Variants in CSGALNACT1 observed in about 807,000 individuals in gnomAD.
The protein encoded by CSGALNACT1 is chondroitin sulfate N-acetylgalactosaminyltransferase 1, also known as beta4GalNAcT-1.
Under a neutral mutation model 51.0 loss-of-function variants are expected in CSGALNACT1, and 52 were observed. The observed-to-expected ratio is 1.02, with a 90% CI of 0.82 to 1.29. The LOEUF is 1.29. Ranked by LOEUF, CSGALNACT1 falls within the 50% of genes most tolerant of loss-of-function variation. The pLI is 0.00. For missense variants in CSGALNACT1, 935 were observed against 679.2 expected (o/e 1.38, Z -4.19); for synonymous variants, 341 against 254.4 (o/e 1.34, Z -3.24).
intron 3 of CSGALNACT1, among the ~76,000 whole-genome samples, chr8:19,559,593 G>T (rs2040242183): frequency 6.6e-6 from 1 of 152,144 alleles, no homozygotes; most frequent in Non-Finnish European, 1.5e-5. Flanking sequence ...TGTTAGAATA[G>T]TAGAGTTCAG....
chr8:19,693,218 C>T (rs1173915856), intron 1 of CSGALNACT1, among the ~76,000 whole-genome samples: 1 of 152,070 alleles, frequency 6.6e-6, no homozygotes, highest in Non-Finnish European at 1.5e-5. Context: ...TCCTCCCCTG[C>T]CTTTCTCTGC....
intron 5 of CSGALNACT1, among the ~76,000 whole-genome samples, chr8:19,441,607 ATAAAAACCC>A (rs1657378950): frequency 6.6e-6 from 1 of 152,270 alleles, no homozygotes; most frequent in South Asian, 2.1e-4. Context: ...ACCTAAAACC[ATAAAAACCC>A]TAGAAGAAAA....
intron 4 of CSGALNACT1, among the ~76,000 whole-genome samples, chr8:19,490,871 A>G (rs554865130): frequency 6.6e-6 from 1 of 152,330 alleles, no homozygotes; most frequent in East Asian, 1.9e-4. Context: ...ATTCCCAGGC[A>G]GCAGGAAGGA....
chr8:19,461,754 A>G (rs1386774212), intron 4 of CSGALNACT1, among the ~76,000 whole-genome samples: 1 of 150,314 alleles, frequency 6.7e-6, no homozygotes, highest in Non-Finnish European at 1.5e-5. Context: ...GGCCACATTC[A>G]CCATGGAGGG....
At chr8:19,536,205 C>A (rs534608889) in intron 3 of CSGALNACT1, among the ~76,000 whole-genome samples, 1 of 152,200 alleles carries the variant, frequency 6.6e-6, no homozygotes, top group African/African-American at 2.4e-5. Flanking sequence ...AATGTAGATT[C>A]ATCAATTTAA....
intron 1 of CSGALNACT1, among the ~76,000 whole-genome samples, chr8:19,658,697 G>C (rs2058505665): frequency 6.6e-6 from 1 of 152,070 alleles, no homozygotes; most frequent in Non-Finnish European, 1.5e-5. Flanking sequence ...TCGCGACACT[G>C]CACTCCAGCC....
At chr8:19,525,455 A>G (rs1272553120) in intron 3 of CSGALNACT1, among the ~76,000 whole-genome samples, 1 of 151,434 alleles carries the variant, frequency 6.6e-6, no homozygotes, top group Non-Finnish European at 1.5e-5. Context: ...AAATACAAAA[A>G]AGAAAAAAAA....
chr8:19,577,381 G>A (rs1032258492), intron 3 of CSGALNACT1, among the ~76,000 whole-genome samples: 10 of 138,014 alleles, frequency 7.2e-5, no homozygotes, highest in Non-Finnish European at 1.3e-4. Context: ...CCTAGACAAC[G>A]AAGCCCGACC....
In CSGALNACT1 at chr8:19,467,138, GA is replaced by G. The variant is rs2066888991; in HGVS notation, c.635-8497del. 1.0e-4 allele frequency among the ~76,000 whole-genome samples: 5 copies of G among 49,268 alleles called. No homozygotes were observed. In the South Asian group the frequency reaches 2.9e-3, roughly 29 times the overall value. 32.3% of individuals were successfully genotyped at this position (49,268 alleles called of 152,430 possible). A position where few individuals can be genotyped will look rare whatever the true frequency, so the allele number is the denominator to read the frequency against. ...TTTTTTTTTTTTTTTTTTTTTTTTT[GA>G]GACGGAGTCTCACTCTGTCACCCAG... On this transcript the variant is annotated intron_variant, in intron 4 of 9. Transcript: ENST00000454498.
intron 3 of CSGALNACT1, among the ~76,000 whole-genome samples, chr8:19,569,432 T>A (rs2042546165): frequency 6.6e-6 from 1 of 152,184 alleles, no homozygotes; most frequent in Admixed American, 6.5e-5. Context: ...TGTGATACAA[T>A]AAAGCTTTTT....
intron 3 of CSGALNACT1, among the ~76,000 whole-genome samples, chr8:19,541,994 T>C (rs1452252082): frequency 6.6e-6 from 1 of 152,138 alleles, no homozygotes; most frequent in African/African-American, 2.4e-5. Flanking sequence ...AGGCAAGATG[T>C]GTTTACACAA....
chr8:19,647,185 C>T (rs1399225400), intron 1 of CSGALNACT1, among the ~76,000 whole-genome samples: 6 of 152,168 alleles, frequency 3.9e-5, no homozygotes, highest in Admixed American at 1.3e-4. Flanking sequence ...GCTTCTCACC[C>T]TGACCAGGTG....
chr8:19,717,476 T>A (rs1191585715), intron 1 of CSGALNACT1, among the ~76,000 whole-genome samples: 1 of 152,154 alleles, frequency 6.6e-6, no homozygotes, highest in Admixed American at 6.5e-5. Flanking sequence ...CACCAAGCCT[T>A]GAGACTCCAC....
chr8:19,660,737 G>T (rs1166815067), intron 1 of CSGALNACT1, among the ~76,000 whole-genome samples: 1 of 152,126 alleles, frequency 6.6e-6, no homozygotes, highest in African/African-American at 2.4e-5. Context: ...TGATATTAAA[G>T]GCAATGACAT....
intron 1 of CSGALNACT1, among the ~76,000 whole-genome samples, chr8:19,665,794 G>A (rs951126960): frequency 8.5e-5 from 13 of 152,242 alleles, no homozygotes; most frequent in Admixed American, 2.6e-4. Flanking sequence ...TTACACCTGG[G>A]ATAATGAATA....
upstream of CSGALNACT1, among the ~76,000 whole-genome samples, chr8:19,605,667 G>GA (rs1344196890): frequency 3.3e-5 from 5 of 152,234 alleles, 1 homozygote; most frequent in Non-Finnish European, 7.3e-5. Context: ...ACCATCCATG[G>GA]AAAAATCCTA....
At chr8:19,711,868 A>G (rs1276909401) in intron 1 of CSGALNACT1, among the ~76,000 whole-genome samples, 1 of 152,196 alleles carries the variant, frequency 6.6e-6, no homozygotes, top group Non-Finnish European at 1.5e-5. Flanking sequence ...GCCAGGCACT[A>G]CTGGGATGGT....
intron 2 of CSGALNACT1, among the ~76,000 whole-genome samples, chr8:19,593,378 G>A (rs1413171198): frequency 4.6e-5 from 7 of 152,228 alleles, no homozygotes; most frequent in Non-Finnish European, 8.8e-5. Context: ...TGCAAGTGAA[G>A]TCTGCATCAT....
chr8:19,571,029 A>C (rs1327133457), intron 3 of CSGALNACT1, among the ~76,000 whole-genome samples: 1 of 152,214 alleles, frequency 6.6e-6, no homozygotes, highest in Non-Finnish European at 1.5e-5. Flanking sequence ...CCCAGGCAGA[A>C]GTGCAGTGGC....
Sources: allele counts gnomAD v4.1 joint callset (sites outside exome capture counted in the v4.1 genomes callset), GRCh38; gene constraint gnomAD v4.1.1; transcripts MANE v1.5; gene names NCBI Gene and HGNC (gene_info 2026-07-23, HGNC 2026-07-21).